MAD1L1: variants seen among roughly 807,000 people sequenced by gnomAD.
MAD1L1 encodes mitotic arrest deficient 1 like 1, also known as mitotic spindle assembly checkpoint protein MAD1.
MAD1L1 carries 95 observed loss-of-function variants against 96.9 expected under a neutral mutation model. That is an observed-to-expected ratio of 0.98 (90% CI 0.83 to 1.16). The LOEUF (loss-of-function observed/expected upper bound fraction) is 1.16. Ranked by LOEUF, MAD1L1 falls within the 50% of genes most tolerant of loss-of-function variation. The pLI is 0.00. For missense variants in MAD1L1, 1,007 were observed against 954.4 expected (o/e 1.06, Z -0.73); for synonymous variants, 473 against 396.6 (o/e 1.19, Z -2.29).
intron 7 of MAD1L1, among the ~76,000 whole-genome samples, chr7:2,217,200 T>A (rs1793332249): frequency 6.6e-6 from 1 of 152,170 alleles, no homozygotes; most frequent in African/African-American, 2.4e-5. Flanking sequence ...CGGTACCCAG[T>A]CCCCTTGGGA....
At chr7:1,925,981 T>A (rs1789064624) in intron 17 of MAD1L1, among the ~76,000 whole-genome samples, 1 of 149,832 alleles carries the variant, frequency 6.7e-6, no homozygotes, top group Non-Finnish European at 1.5e-5. Context: ...TCTAAGGAGA[T>A]CAGTGAAATT....
intron 11 of MAD1L1, among the ~76,000 whole-genome samples, chr7:2,089,601 C>A (rs934740890): frequency 6.6e-6 from 1 of 150,450 alleles, no homozygotes; most frequent in African/African-American, 2.5e-5. Flanking sequence ...TGGGGCCCAC[C>A]GCACACGCCC....
chr7:2,101,509 T>G (rs113112637), intron 11 of MAD1L1, among the ~76,000 whole-genome samples: 7 of 117,794 alleles, frequency 5.9e-5, no homozygotes, highest in Admixed American at 1.7e-4. Flanking sequence ...GTGGGTGGCA[T>G]GAGACTGGGG....
At chr7:2,047,990 C>G (rs4721341) in intron 12 of MAD1L1, among the ~76,000 whole-genome samples, 1 of 152,180 alleles carries the variant, frequency 6.6e-6, no homozygotes. Context: ...GCACACAGAA[C>G]TCACACAGCA....
intron 10 of MAD1L1, among the ~76,000 whole-genome samples, chr7:2,186,792 CTT>C (rs111676405): frequency 1.3e-4 from 19 of 143,116 alleles, no homozygotes; most frequent in African/African-American, 3.1e-4. Flanking sequence ...TTTTCTTTTT[CTT>C]TTTTTTTTTT....
intron 15 of MAD1L1, among the ~76,000 whole-genome samples, chr7:1,963,377 C>G (rs764358858): frequency 6.6e-6 from 1 of 152,142 alleles, no homozygotes; most frequent in South Asian, 2.1e-4. Flanking sequence ...GACAGCCGCC[C>G]GCCAATCTAC....
intron 16 of MAD1L1, among the ~76,000 whole-genome samples, chr7:1,938,354 G>A (rs1407773233): frequency 6.6e-6 from 1 of 152,128 alleles, no homozygotes; most frequent in African/African-American, 2.4e-5. Context: ...ACCACATTCT[G>A]TCTCCTGGGA....
intron 10 of MAD1L1, among the ~76,000 whole-genome samples, chr7:2,207,028 A>G (rs1267967313): frequency 6.6e-6 from 1 of 151,796 alleles, no homozygotes; most frequent in Non-Finnish European, 1.5e-5. Flanking sequence ...CAGTAAGCCA[A>G]GATCGCACCA....
At chr7:2,031,497 A>G (rs55993248) in intron 12 of MAD1L1, among the ~76,000 whole-genome samples, 25,461 of 152,264 alleles carry the variant, frequency 0.17, 2,713 homozygotes, top group Middle Eastern at 0.31. Context: ...TACATTTCAC[A>G]CTGCTCTATG....
rs1491290722 is a variant in MAD1L1, at chr7:1,938,899, G to GCACACA, written c.1597-2003_1597-2002insTGTGTG. ...ACACAGTCCAGGGCCGGGGCCAGAG[G>GCACACA]CGCGCACACACACACACACACACAC... On this transcript the variant is annotated intron_variant, in intron 16 of 18. Transcript: ENST00000265854. 1.3e-3 allele frequency among the ~76,000 whole-genome samples: 78 copies of GCACACA among 57,836 alleles called. 2 individuals carry two copies. In the South Asian group the frequency reaches 0.025, roughly 18 times the overall value. The allele number at this position is 57,836 out of a possible 152,430, so 37.9% of individuals were successfully genotyped here. A position where few individuals can be genotyped will look rare whatever the true frequency, so the allele number is the denominator to read the frequency against.
chr7:2,152,424 C>A (rs1400226645), intron 10 of MAD1L1, among the ~76,000 whole-genome samples: 1 of 152,246 alleles, frequency 6.6e-6, no homozygotes, highest in Non-Finnish European at 1.5e-5. Context: ...CGCTGAAAAA[C>A]CCGCAGTCAC....
chr7:1,889,109 G>C (rs1786375644), intron 18 of MAD1L1, among the ~76,000 whole-genome samples: 1 of 152,194 alleles, frequency 6.6e-6, no homozygotes, highest in South Asian at 2.1e-4. Flanking sequence ...CACGACCCTT[G>C]GGCAGATGCG....
intron 14 of MAD1L1, among the ~76,000 whole-genome samples, chr7:2,000,475 G>A (rs1318440939): frequency 2.6e-5 from 4 of 152,120 alleles, no homozygotes; most frequent in Admixed American, 6.5e-5. Flanking sequence ...ACCAACCACC[G>A]CGGACCCCGC....
chr7:2,123,969 C>CG (rs3839699), intron 11 of MAD1L1, among the ~76,000 whole-genome samples: 5 of 152,180 alleles, frequency 3.3e-5, no homozygotes, highest in African/African-American at 1.2e-4. Flanking sequence ...CAGCAAGGGG[C>CG]GGGGGCTTAG....
intron 12 of MAD1L1, among the ~76,000 whole-genome samples, chr7:2,031,660 G>A (rs547019574): frequency 2.6e-4 from 40 of 152,370 alleles, no homozygotes; most frequent in Non-Finnish European, 5.0e-4. Context: ...CATCCTGACA[G>A]GAAGCCATAC....
intron 10 of MAD1L1, among the ~76,000 whole-genome samples, chr7:2,176,518 G>C (rs1330161479): frequency 1.3e-5 from 2 of 151,860 alleles, no homozygotes; most frequent in Non-Finnish European, 2.9e-5. Flanking sequence ...CAAGAGGAAG[G>C]AGTAACATTG....
chr7:2,037,423 G>A (rs542836061), intron 12 of MAD1L1, among the ~76,000 whole-genome samples: 14 of 152,290 alleles, frequency 9.2e-5, no homozygotes, highest in South Asian at 6.2e-4. Context: ...GCTTGTGGCC[G>A]TCCTGCCTTC....
intron 11 of MAD1L1, among the ~76,000 whole-genome samples, chr7:2,102,356 CACCGTCACT>C (rs1786847731): frequency 6.6e-6 from 1 of 151,190 alleles, no homozygotes; most frequent in Admixed American, 6.6e-5. Context: ...CCACCATCAC[CACCGTCACT>C]ATCACCACCG....
At position 2,096,797 on chromosome 7, in the gene MAD1L1, C is replaced by T. The variant is rs566309326; in HGVS notation, c.1074-27459G>A. Among the ~76,000 whole-genome samples, 5 of 152,306 alleles carry T rather than the reference C, an allele frequency of 3.3e-5. No individual in the cohort carries two copies. The South Asian group carries it at 1.0e-3, about 32-fold the overall frequency. On this transcript the variant is annotated intron_variant, in intron 11 of 18. Coordinates refer to ENST00000265854, the MANE Select transcript of MAD1L1 (RefSeq NM_001013836.2). ...TGCAGCTGCCCCACGACCACCACCA[C>T]CCCGCCCAGCAGAGGCTGGGGGCAC...
Sources: gnomAD v4.1 joint callset for allele counts (sites outside exome capture counted in the v4.1 genomes callset) on GRCh38, gnomAD v4.1.1 for gene constraint, MANE v1.5 for transcripts, NCBI Gene and HGNC (gene_info 2026-07-23, HGNC 2026-07-21) for gene names.